RSF1: variants seen among roughly 807,000 people sequenced by gnomAD.
RSF1 encodes the protein remodeling and spacing factor 1, also known as HBV pX-associated protein 8.
A neutral mutation model predicts 145.2 loss-of-function variants in RSF1; 13 were observed. The ratio of observed to expected loss-of-function variants is 0.09; its 90% CI spans 0.06 to 0.14. The LOEUF (loss-of-function observed/expected upper bound fraction) is 0.14, where lower values mean the gene tolerates loss of function less well. Ranked by LOEUF, RSF1 falls within the 10% of genes least tolerant of loss-of-function variation. RSF1 has a pLI of 1.00. For synonymous variants in RSF1, 577 were observed against 592.6 expected, an observed-to-expected ratio of 0.97 and a Z score of 0.38; for missense variants, 1,517 against 1,718.2, an observed-to-expected ratio of 0.88 and a Z score of 2.07.
chr11:77,758,245 C>T (rs1423737536), intron 2 of RSF1, among the ~76,000 whole-genome samples: 1 of 152,134 alleles, frequency 6.6e-6, no homozygotes, highest in African/African-American at 2.4e-5. Context: ...TTCACATATT[C>T]CATTTTTAAG....
At chr11:77,686,408 C>CAAAAAAAAGAAAAA (rs1960006489) in intron 9 of RSF1, among the ~76,000 whole-genome samples, 1 of 37,132 alleles carries the variant, frequency 2.7e-5, no homozygotes, top group African/African-American at 1.2e-4. Flanking sequence ...GACCCTGTCT[C>CAAAAAAAAGAAAAA]AAAAAAAAAA....
chr11:77,813,357 G>A (rs1320780755), intron 1 of RSF1: 7 of 954,456 alleles, frequency 7.3e-6, no homozygotes, highest in Non-Finnish European at 1.2e-5. Flanking sequence ...TCAACTCCCG[G>A]CTCAAACTGA....
chr11:77,832,415 C>T, the RSF1 span, among the ~76,000 whole-genome samples: 1 of 150,612 alleles, frequency 6.6e-6, no homozygotes, highest in African/African-American at 2.4e-5. Flanking sequence ...CAACCTCCGC[C>T]TCCCGGGTTC....
intron 14 of RSF1, among the ~76,000 whole-genome samples, chr11:77,674,592 T>G (rs1167342458): frequency 6.6e-6 from 1 of 152,190 alleles, no homozygotes; most frequent in Non-Finnish European, 1.5e-5. Context: ...TGATATGAAG[T>G]TAACGTATCA....
At chr11:77,741,627 C>G (rs553540204) in intron 3 of RSF1, among the ~76,000 whole-genome samples, 8 of 152,056 alleles carry the variant, frequency 5.3e-5, no homozygotes, top group Non-Finnish European at 7.4e-5. Flanking sequence ...CCATGGTATT[C>G]TGATATATGT....
At chr11:77,733,898 C>T (rs750147639) in intron 4 of RSF1, among the ~76,000 whole-genome samples, 1 of 152,098 alleles carries the variant, frequency 6.6e-6, no homozygotes, top group South Asian at 2.1e-4. Context: ...TATTGACATA[C>T]CCCATGGAGT....
At chr11:77,727,005 T>C (rs896330443) in intron 4 of RSF1, among the ~76,000 whole-genome samples, 9 of 152,134 alleles carry the variant, frequency 5.9e-5, no homozygotes, top group Non-Finnish European at 8.8e-5. Flanking sequence ...AATCAGAAAT[T>C]AAAATGACAA....
At chr11:77,736,027 G>A (rs574761579) in intron 4 of RSF1, among the ~76,000 whole-genome samples, 123 of 152,254 alleles carry the variant, frequency 8.1e-4, no homozygotes, top group African/African-American at 2.7e-3. Flanking sequence ...GTGAGCCGCC[G>A]CACCCGGCCA....
chr11:77,810,385 T>A (rs1278587109), intron 1 of RSF1, among the ~76,000 whole-genome samples: 1 of 152,234 alleles, frequency 6.6e-6, no homozygotes, highest in East Asian at 1.9e-4. Flanking sequence ...CAATATAATG[T>A]CATCACCTTG....
rs183521244 is a variant in RSF1 at position 77,690,341 on chromosome 11, G to A, written c.2900+818C>T. ...AGATGACAAGGATAACTGAATTACA[G>A]ACCAGTTCTTATAGTTTTTTTGTAT... is the stretch of plus-strand genomic sequence containing the variant. On this transcript the variant is annotated intron_variant, in intron 9 of 15. Transcript: ENST00000308488. Among the ~76,000 whole-genome samples the A allele has an allele frequency of 1.4e-3, 219 of 152,190 alleles. 1 individual carries two copies. Among genetic ancestry groups the A allele is most frequent in the African/African-American group, 3.6e-3 (149 of 41,532 alleles).
At position 77,746,893 on chromosome 11, in the gene RSF1, T is replaced by C. The variant is rs113714227; in HGVS notation, c.372+143A>G. On this transcript the variant is annotated intron_variant, in intron 3 of 15. Transcript: ENST00000308488. ...CATCAAAAAACAGCACTTTAAAGAA[T>C]AGATTGTCACTAAAAAATAGACTCC... 102 of 530,176 alleles carry C rather than the reference T, an allele frequency of 1.9e-4. 1 individual carries two copies. Among genetic ancestry groups the C allele is most frequent in the African/African-American group, 1.5e-3 (78 of 51,356 alleles). The allele number at this position is 530,176 out of a possible 1,614,324, so 32.8% of individuals were successfully genotyped here.
At chr11:77,809,571 T>C (rs536081172) in intron 1 of RSF1, among the ~76,000 whole-genome samples, 1 of 152,294 alleles carries the variant, frequency 6.6e-6, no homozygotes, top group East Asian at 1.9e-4. Context: ...GAGAAACCAG[T>C]TGACCACAGT....
At chr11:77,802,876 T>C (rs1370496015) in intron 1 of RSF1, among the ~76,000 whole-genome samples, 4 of 152,018 alleles carry the variant, frequency 2.6e-5, no homozygotes, top group Admixed American at 1.3e-4. Flanking sequence ...AAAAAAACTT[T>C]CAACAATGTA....
chr11:77,741,557 T>C (rs1210169128), intron 3 of RSF1, among the ~76,000 whole-genome samples: 2 of 152,138 alleles, frequency 1.3e-5, no homozygotes, highest in Non-Finnish European at 2.9e-5. Flanking sequence ...GTTTCATTTT[T>C]TTTTTACATT....
intron 2 of RSF1, among the ~76,000 whole-genome samples, chr11:77,754,534 G>C (rs745912290): frequency 2.6e-5 from 4 of 151,692 alleles, no homozygotes; most frequent in Non-Finnish European, 5.9e-5. Flanking sequence ...TTGAGCCCAG[G>C]AGTTTGAGAC....
intron 4 of RSF1, among the ~76,000 whole-genome samples, chr11:77,732,292 G>A (rs954548622): frequency 2.6e-5 from 4 of 152,194 alleles, no homozygotes; most frequent in African/African-American, 7.2e-5. Context: ...CCCAATGCCT[G>A]TACCCCCATT....
chr11:77,848,944 C>T, the RSF1 span, among the ~76,000 whole-genome samples: 1 of 152,126 alleles, frequency 6.6e-6, no homozygotes, highest in African/African-American at 2.4e-5. Flanking sequence ...GTATGTGCCA[C>T]AATGCCTGGC....
intron 1 of RSF1, among the ~76,000 whole-genome samples, chr11:77,783,981 A>G (rs909675668): frequency 6.6e-6 from 1 of 152,206 alleles, no homozygotes; most frequent in Non-Finnish European, 1.5e-5. Flanking sequence ...CAAACATACA[A>G]ATGTCTGTAA....
At chr11:77,753,548 T>C (rs1948085849) in intron 2 of RSF1, among the ~76,000 whole-genome samples, 1 of 152,204 alleles carries the variant, frequency 6.6e-6, no homozygotes, top group African/African-American at 2.4e-5. Flanking sequence ...TGAGGCCCAA[T>C]ACAAATCTGT....
Sources: gnomAD v4.1 joint callset for allele counts (sites outside exome capture counted in the v4.1 genomes callset) on GRCh38, gnomAD v4.1.1 for gene constraint, MANE v1.5 for transcripts, NCBI Gene and HGNC (gene_info 2026-07-23, HGNC 2026-07-21) for gene names.